The following NLGN4X variants were observed in gnomAD, a reference collection of about 807,000 sequenced individuals.
NLGN4X encodes the protein neuroligin 4 X-linked.
NLGN4X carries 3 observed loss-of-function variants against 40.3 expected under a neutral mutation model. The observed-to-expected ratio is 0.07, with a 90% confidence interval of 0.03 to 0.19. The LOEUF (loss-of-function observed/expected upper bound fraction) is 0.19. NLGN4X is among the 10% of genes least tolerant of loss of function. The pLI is 1.00. For missense variants in NLGN4X, 382 were observed against 708.3 expected (o/e 0.54, Z 5.23); for synonymous variants, 270 against 306.8 (o/e 0.88, Z 1.25).
intron 3 of NLGN4X, among the ~76,000 whole-genome samples, chrX:5,940,156 A>G (rs964052767): frequency 9.9e-6 from 1 of 100,574 alleles, no homozygotes. Context: ...TTCATCACGG[A>G]AAAAAAAAAA....
intron 3 of NLGN4X, among the ~76,000 whole-genome samples, chrX:5,951,581 A>AG (rs1006799043): frequency 1.8e-5 from 2 of 111,047 alleles, no homozygotes; most frequent in Non-Finnish European, 3.8e-5. Context: ...CGGCTTGTAA[A>AG]AAAAATTGCT....
intron 2 of NLGN4X, among the ~76,000 whole-genome samples, chrX:6,115,673 G>A (rs762655109): frequency 3.8e-4 from 42 of 111,929 alleles, no homozygotes; most frequent in South Asian, 7.5e-4. Context: ...ACCACGTGGA[G>A]GCAAAAAACA....
intron 3 of NLGN4X, among the ~76,000 whole-genome samples, chrX:6,021,747 T>A (rs1030849403): frequency 9.1e-6 from 1 of 110,486 alleles, no homozygotes; most frequent in Non-Finnish European, 1.9e-5. Flanking sequence ...TTGTTTGTTT[T>A]TTTTTTTGTT....
chrX:6,011,006 T>C lies in NLGN4X; in HGVS notation c.625+18274A>G, dbSNP rs1405649771. Among the ~76,000 whole-genome samples, 7 of 111,325 alleles carry C rather than the reference T, an allele frequency of 6.3e-5. No homozygotes were observed. In the East Asian group the frequency reaches 2.0e-3, roughly 31 times the overall value. ...GGTATATTCAAAAGTTAAATGAAAA[T>C]TCCACTGCAAATTAAAGAATAGTAA... On this transcript the variant is annotated intron_variant, in intron 3 of 5. Coordinates refer to ENST00000381095, the MANE Select transcript of NLGN4X (RefSeq NM_181332.3).
At chrX:6,171,374 T>C (rs895915183) in intron 1 of NLGN4X, among the ~76,000 whole-genome samples, 4 of 112,289 alleles carry the variant, frequency 3.6e-5, no homozygotes, top group African/African-American at 9.7e-5. Context: ...TTTTATGTAC[T>C]TTCTCCTTGA....
intron 3 of NLGN4X, among the ~76,000 whole-genome samples, chrX:5,969,056 A>G (rs1274892838): frequency 1.8e-5 from 2 of 111,367 alleles, no homozygotes; most frequent in African/African-American, 6.5e-5. Flanking sequence ...GTTAGACCTA[A>G]AACCATAAAA....
chrX:6,065,765 G>A (rs2037897602), intron 2 of NLGN4X, among the ~76,000 whole-genome samples: 1 of 110,873 alleles, frequency 9.0e-6, no homozygotes, highest in South Asian at 3.8e-4. Context: ...ACACATAATA[G>A]GAAACATGTA....
intron 2 of NLGN4X, among the ~76,000 whole-genome samples, chrX:6,105,570 C>T (rs1486270726): frequency 9.0e-6 from 1 of 111,463 alleles, no homozygotes; most frequent in Non-Finnish European, 1.9e-5. Context: ...TATTTCATTT[C>T]TCATTAATGT....
chrX:6,202,338 C>CT (rs112598776), intron 1 of NLGN4X, among the ~76,000 whole-genome samples: 525 of 92,619 alleles, frequency 5.7e-3, no homozygotes, highest in South Asian at 0.013. Flanking sequence ...TTTTCATTTT[C>CT]TTTTTTTTTT....
Position 5,892,882 on chromosome X carries a change from T to C in NLGN4X, c.2386A>G (p.Asn796Asp). 1 of 1,211,286 alleles carries C rather than the reference T, an allele frequency of 8.3e-7. No individual in the cohort carries two copies. The highest frequency in any genetic ancestry group is 1.8e-5 in the South Asian group (1 of 56,945). The change falls in exon 6 of 6, where the codon AAC becomes GAC. Residue 796 changes from asparagine (N) to aspartate (D), a missense_variant. Physicochemically the swap from Asn to Asp is conservative, Grantham distance 23 (BLOSUM62 1). Transcript: ENST00000381095. ...LTGMQPLHTF[N>D]TFSGGQNSTN... The stretch of plus-strand genomic sequence containing the variant: ...CTGTTTTGTCCTCCACTGAAGGTGT[T>C]AAAAGTGTGCAAAGGCTGCATCCCC...
At chrX:6,026,047 C>T (rs2036683803) in intron 3 of NLGN4X, among the ~76,000 whole-genome samples, 1 of 111,189 alleles carries the variant, frequency 9.0e-6, no homozygotes, top group Non-Finnish European at 1.9e-5. Context: ...CTGCCTTCTA[C>T]ATCTAAGGAA....
intron 2 of NLGN4X, among the ~76,000 whole-genome samples, chrX:6,061,958 CTT>C (rs1406189518): frequency 8.9e-6 from 1 of 111,837 alleles, no homozygotes; most frequent in Admixed American, 9.5e-5. Flanking sequence ...ACAGAACTCT[CTT>C]GATAATTTTA....
chrX:6,083,445 G>T (rs1408539099), intron 2 of NLGN4X, among the ~76,000 whole-genome samples: 1 of 112,070 alleles, frequency 8.9e-6, no homozygotes, highest in Non-Finnish European at 1.9e-5. Flanking sequence ...TTTTGTTGTA[G>T]CAGCATAAAA....
At chrX:6,189,927 C>A (rs1293590023) in intron 1 of NLGN4X, among the ~76,000 whole-genome samples, 1 of 109,900 alleles carries the variant, frequency 9.1e-6, no homozygotes, top group East Asian at 2.8e-4. Flanking sequence ...AAGGGATTTA[C>A]ATAATGTATC....
intron 3 of NLGN4X, among the ~76,000 whole-genome samples, chrX:5,928,350 C>G (rs2033408530): frequency 9.0e-6 from 1 of 111,641 alleles, no homozygotes; most frequent in Non-Finnish European, 1.9e-5. Context: ...CTGTCTTATT[C>G]TTTCATTACA....
intron 1 of NLGN4X, among the ~76,000 whole-genome samples, chrX:6,219,237 T>A (rs1925390742): frequency 9.5e-6 from 1 of 105,454 alleles, no homozygotes; most frequent in African/African-American, 3.5e-5. Context: ...ATATTGTATG[T>A]GGTGAATGAA....
At chrX:6,047,446 A>C (rs1431754028) in intron 2 of NLGN4X, among the ~76,000 whole-genome samples, 1 of 111,594 alleles carries the variant, frequency 9.0e-6, no homozygotes, top group Non-Finnish European at 1.9e-5. Flanking sequence ...ACTGCACTCC[A>C]ATCTGGGTGA....
chrX:5,909,244 A>G lies in NLGN4X; in HGVS notation c.626-5T>C. 8.3e-7 allele frequency: 1 copy of G among 1,211,177 alleles called. No homozygotes were observed. The highest frequency in any genetic ancestry group is 1.7e-5 in the African/African-American group (1 of 57,744). On this transcript the variant is annotated splice_region_variant and splice_polypyrimidine_tract_variant and intron_variant, in intron 3 of 5. Coordinates refer to ENST00000381095, the MANE Select transcript of NLGN4X (RefSeq NM_181332.3). ...GGTCACCGGTACTTAAAAACCCTAC[A>G]AAAGAACACAAGATATTTTTGGTGG...
chrX:5,890,987 T>C lies in NLGN4X; in HGVS notation c.*1830A>G, dbSNP rs2031131835. ...CCACTTTAGCGGAGAGATTTAAGACTGGATTTCTAGAATAACCCACAATGG... is the reference window on the plus strand; with the variant it reads ...CCACTTTAGCGGAGAGATTTAAGACCGGATTTCTAGAATAACCCACAATGG... On this transcript the variant is annotated 3_prime_UTR_variant, in exon 6 of 6. Coordinates refer to ENST00000381095, the MANE Select transcript of NLGN4X (RefSeq NM_181332.3). 3.3e-6 allele frequency: 1 copy of C among 306,604 alleles called. No homozygotes were observed. Among genetic ancestry groups the C allele is most frequent in the East Asian group, 9.8e-5 (1 of 10,169 alleles). 25.3% of individuals were successfully genotyped at this position (306,604 alleles called of 1,213,427 possible).
Sources: allele counts gnomAD v4.1 joint callset (sites outside exome capture counted in the v4.1 genomes callset), GRCh38; gene constraint gnomAD v4.1.1; transcripts MANE v1.5; gene names NCBI Gene and HGNC (gene_info 2026-07-23, HGNC 2026-07-21).